Variants in EPHX2 observed in about 807,000 individuals in gnomAD.
The protein encoded by EPHX2 is bifunctional epoxide hydrolase 2.
A neutral mutation model predicts 78.7 loss-of-function variants in EPHX2; 74 were observed. The observed-to-expected ratio is 0.94, with a 90% CI of 0.78 to 1.14. The LOEUF (loss-of-function observed/expected upper bound fraction) is 1.14. Among genes scored for constraint, EPHX2 ranks in the 50% most tolerant of loss-of-function variants. The probability of loss-of-function intolerance (pLI) is 0.00; values close to 1 mark genes in which losing one functional copy is unlikely to be tolerated. For missense variants in EPHX2, 715 were observed against 702.5 expected, an observed-to-expected ratio of 1.02 and a Z score of -0.20; for synonymous variants, 251 against 255.2, an observed-to-expected ratio of 0.98 and a Z score of 0.16.
At chr8:27,537,709 G>C (rs1364295837) in intron 13 of EPHX2, among the ~76,000 whole-genome samples, 2 of 151,860 alleles carry the variant, frequency 1.3e-5, no homozygotes, top group African/African-American at 4.8e-5. Flanking sequence ...TTATTTTTCA[G>C]TTCCTTTTAT....
At chr8:27,520,532 A>G (rs1413492697) in intron 9 of EPHX2, among the ~76,000 whole-genome samples, 1 of 151,992 alleles carries the variant, frequency 6.6e-6, no homozygotes. Context: ...TTTTTAGTAG[A>G]GATGGGGTTT....
intron 1 of EPHX2, among the ~76,000 whole-genome samples, chr8:27,495,077 G>A (rs932759260): frequency 1.3e-5 from 2 of 152,232 alleles, no homozygotes; most frequent in Non-Finnish European, 2.9e-5. Flanking sequence ...CTTTGGCAGT[G>A]TAAGACTGCC....
chr8:27,520,861 C>CTG lies in EPHX2; in HGVS notation c.946-14_946-13dup, dbSNP rs774846332. The CTG allele has an allele frequency of 1.9e-6, 3 of 1,614,178 alleles. No homozygotes were observed. The African/African-American group carries it at 4.0e-5, about 22-fold the overall frequency. On this transcript the variant is annotated intron_variant, in intron 9 of 18. Transcript: ENST00000521400. ...AGGCGGGTGTGGTTGCTGATTTTGC[C>CTG]TGTGTGTGTCTTCTTCCTTAGGAGA...
chr8:27,529,530 G>A (rs945880347), intron 12 of EPHX2, among the ~76,000 whole-genome samples: 2 of 152,056 alleles, frequency 1.3e-5, no homozygotes, highest in Admixed American at 6.6e-5. Context: ...TCCTTAAACC[G>A]CACATGTGTA....
chr8:27,504,614 G>A (rs1321656229), intron 3 of EPHX2, among the ~76,000 whole-genome samples: 6 of 152,190 alleles, frequency 3.9e-5, no homozygotes, highest in Non-Finnish European at 8.8e-5. Context: ...GTGAATCTGG[G>A]AGGGTAGGAT....
At chr8:27,513,086 A>G (rs1040663730) in intron 6 of EPHX2, among the ~76,000 whole-genome samples, 8 of 151,874 alleles carry the variant, frequency 5.3e-5, no homozygotes, top group African/African-American at 1.9e-4. Context: ...TACACTCACA[A>G]CCTCGGTGGT....
intron 1 of EPHX2, 90 bp from the exon 2 acceptor site, chr8:27,500,836 T>C: frequency 8.5e-7 from 1 of 1,182,226 alleles, no homozygotes. Flanking sequence ...TTCTAGTGGC[T>C]GCTTCTCAAT....
At chr8:27,503,882 C>A in intron 3 of EPHX2, 119 bp downstream of exon 3, 1 of 1,279,470 alleles carries the variant, frequency 7.8e-7, no homozygotes, top group African/African-American at 1.5e-5. Context: ...CGATGGAAAG[C>A]CTCTTTAAAC....
rs1240188405 is a variant in EPHX2 at position 27,544,174 on chromosome 8, G to C, written c.1531-12G>C. On this transcript the variant is annotated splice_polypyrimidine_tract_variant and intron_variant, in intron 17 of 18. Transcript: ENST00000521400. Reference sequence around the variant, plus strand: ...TCTTCCATTTACCTTTCTGCCTGGGGTTTCCTTTCAGATTCCCCACCTGAA... The same window carrying C: ...TCTTCCATTTACCTTTCTGCCTGGGCTTTCCTTTCAGATTCCCCACCTGAA... The C allele has an allele frequency of 6.2e-7, 1 of 1,614,128 alleles. No individual in the cohort carries two copies.
At chr8:27,547,119 A>C (rs1013527307), downstream of EPHX2, among the ~76,000 whole-genome samples, 1 of 152,236 alleles carries the variant, frequency 6.6e-6, no homozygotes, top group Non-Finnish European at 1.5e-5. Context: ...ACCAGGCCCC[A>C]CTTCCAACAT....
At chr8:27,522,285 G>T in intron 10 of EPHX2, 138 bp from the exon 11 acceptor site, 1 of 697,936 alleles carries the variant, frequency 1.4e-6, no homozygotes, top group Non-Finnish European at 2.4e-6. Flanking sequence ...GGAGAGGCTT[G>T]AAGGGTGGGC....
chr8:27,522,564 A>T, intron 11 of EPHX2, 56 bp downstream of exon 11: 1 of 1,560,652 alleles, frequency 6.4e-7, no homozygotes, highest in Non-Finnish European at 8.8e-7. Flanking sequence ...AACTCCTGTG[A>T]GAATTGTTCC....
intron 5 of EPHX2, among the ~76,000 whole-genome samples, chr8:27,510,783 G>A (rs1405136630): frequency 6.6e-6 from 1 of 151,452 alleles, no homozygotes; most frequent in Non-Finnish European, 1.5e-5. Flanking sequence ...GTAAGATCCT[G>A]TCTTTAAAAA....
At chr8:27,512,100 GAAA>G (rs869166083) in intron 6 of EPHX2, 190 bp downstream of exon 6, 833 of 138,210 alleles carry the variant, frequency 6.0e-3, no homozygotes, top group South Asian at 7.3e-3. Context: ...CCTGTCTCAA[GAAA>G]AAAAAAAAAA....
At chr8:27,516,169 T>G in intron 7 of EPHX2, 151 bp from the exon 8 acceptor site, 1 of 791,934 alleles carries the variant, frequency 1.3e-6, no homozygotes, top group Non-Finnish European at 2.1e-6. Context: ...ATAAATGGGC[T>G]TATTTCAGCT....
intron 9 of EPHX2, among the ~76,000 whole-genome samples, chr8:27,519,133 G>A (rs996691282): frequency 2.0e-5 from 3 of 152,246 alleles, no homozygotes; most frequent in East Asian, 3.9e-4. Flanking sequence ...CAAGAAAATC[G>A]ATGACATAGG....
chr8:27,501,393 CTTT>C (rs1813787712), intron 2 of EPHX2, among the ~76,000 whole-genome samples: 15 of 83,192 alleles, frequency 1.8e-4, no homozygotes, highest in Admixed American at 2.9e-4. Flanking sequence ...TCTTCTTCTT[CTTT>C]CTTCTTTCTT....
intron 1 of EPHX2, among the ~76,000 whole-genome samples, chr8:27,492,333 A>T (rs1442148374): frequency 6.6e-6 from 1 of 152,130 alleles, no homozygotes; most frequent in Admixed American, 6.5e-5. Flanking sequence ...AAAGAGCAAG[A>T]CCCTGTCTCT....
intron 1 of EPHX2, among the ~76,000 whole-genome samples, chr8:27,492,597 G>A (rs10112066): frequency 0.12 from 17,590 of 152,174 alleles, 1,069 homozygotes; most frequent in African/African-American, 0.17. Context: ...CGTGAACAGC[G>A]AAAGCACAAA....
Sources: gnomAD v4.1 joint callset for allele counts (sites outside exome capture counted in the v4.1 genomes callset) on GRCh38, gnomAD v4.1.1 for gene constraint, MANE v1.5 for transcripts, NCBI Gene and HGNC (gene_info 2026-07-23, HGNC 2026-07-21) for gene names.